KDM2B: variants seen among roughly 807,000 people sequenced by gnomAD.
KDM2B encodes the protein lysine demethylase 2B.
A neutral mutation model predicts 150.0 loss-of-function variants in KDM2B; 26 were observed. The observed-to-expected ratio is 0.17, with a 90% CI of 0.13 to 0.24. KDM2B has a LOEUF of 0.24. Ranked by LOEUF, KDM2B falls within the 10% of genes least tolerant of loss-of-function variation. The pLI, the probability that KDM2B is intolerant of heterozygous loss-of-function variation, is 1.00. For synonymous variants in KDM2B, 734 were observed against 729.5 expected (o/e 1.01, Z -0.10); for missense variants, 1,265 against 1,816.9 (o/e 0.70, Z 5.52).
At position 121,440,369 on chromosome 12, in the gene KDM2B, T is replaced by C. The variant is rs115678676; in HGVS notation, c.3611-294A>G. ...GGCTGCGCAGCATCTCCGATCCCCA[T>C]GGCTTGGCGAGAAGCACGGACCTAG... is the stretch of plus-strand genomic sequence containing the variant. On this transcript the variant is annotated intron_variant, in intron 21 of 22. Coordinates refer to ENST00000377071, the MANE Select transcript of KDM2B (RefSeq NM_032590.5). 1.3e-3 allele frequency: 606 copies of C among 464,642 alleles called. 7 individuals carry two copies. Among genetic ancestry groups the C allele is most frequent in the African/African-American group, 0.011 (560 of 50,892 alleles). 28.8% of individuals were successfully genotyped at this position (464,642 alleles called of 1,614,324 possible).
intron 1 of KDM2B, chr12:121,580,232 G>C: frequency 1.7e-6 from 2 of 1,174,366 alleles, no homozygotes. Flanking sequence ...AAAGTCCTAG[G>C]AAACCATTTT....
chr12:121,459,744 C>T (rs909931886), intron 12 of KDM2B, among the ~76,000 whole-genome samples: 2 of 151,760 alleles, frequency 1.3e-5, no homozygotes, highest in Admixed American at 6.6e-5. Flanking sequence ...GCAAGAGAAT[C>T]GCTTGAACCC....
intron 12 of KDM2B, among the ~76,000 whole-genome samples, chr12:121,489,315 G>T (rs1257833610): frequency 2.0e-5 from 3 of 151,828 alleles, no homozygotes; most frequent in Non-Finnish European, 2.9e-5. Flanking sequence ...TGTCACCCAG[G>T]CTGGGGTGCA....
At chr12:121,457,823 C>T (rs1285356047) in intron 12 of KDM2B, among the ~76,000 whole-genome samples, 4 of 151,882 alleles carry the variant, frequency 2.6e-5, no homozygotes, top group African/African-American at 9.7e-5. Context: ...AACTCAAGAG[C>T]ATTGTCCTTT....
At chr12:121,532,270 T>C (rs905610208) in intron 8 of KDM2B, among the ~76,000 whole-genome samples, 8 of 152,150 alleles carry the variant, frequency 5.3e-5, no homozygotes, top group Non-Finnish European at 8.8e-5. Context: ...CAGCCACATC[T>C]ACTAGTGACT....
the KDM2B span, among the ~76,000 whole-genome samples, chr12:121,410,916 T>G: frequency 8.5e-5 from 13 of 152,288 alleles, no homozygotes; most frequent in Non-Finnish European, 2.9e-5. Flanking sequence ...CTGGGACACT[T>G]TGGAGGTTGG....
chr12:121,495,314 C>T (rs1883809969), intron 11 of KDM2B, among the ~76,000 whole-genome samples: 1 of 152,146 alleles, frequency 6.6e-6, no homozygotes, highest in African/African-American at 2.4e-5. Context: ...GTGTGCACCA[C>T]CACGCTGGGC....
At chr12:121,496,521 G>T (rs1883957098) in intron 11 of KDM2B, among the ~76,000 whole-genome samples, 1 of 131,598 alleles carries the variant, frequency 7.6e-6, no homozygotes, top group African/African-American at 3.0e-5. Context: ...TTTTGAGACA[G>T]GGTGTGACTG....
chr12:121,423,511 C>T, the KDM2B span: 13 of 1,614,066 alleles, frequency 8.1e-6, no homozygotes, highest in South Asian at 1.1e-5. This position sits in a 1 kb window ranked among gnomAD's most constrained non-coding sequence, Gnocchi z 4.3. Context: ...GTGCGGCAAG[C>T]GCATGAGTGA....
intron 4 of KDM2B, among the ~76,000 whole-genome samples, chr12:121,570,882 C>T (rs1425160189): frequency 6.6e-6 from 1 of 152,188 alleles, no homozygotes; most frequent in Non-Finnish European, 1.5e-5. Flanking sequence ...TTTTTAGCAA[C>T]ATTATTCATA....
At chr12:121,535,077 C>T (rs781978024) in intron 6 of KDM2B, among the ~76,000 whole-genome samples, 6 of 152,096 alleles carry the variant, frequency 3.9e-5, no homozygotes, top group Admixed American at 6.6e-5. Context: ...CATTCATCTC[C>T]TCATTCATTC....
chr12:121,445,317 C>T lies in KDM2B; in HGVS notation c.2061G>A (p.Glu687=). ...EEGKFNLMLM[E]CSICNEIIHP... ...GGATGATTTCATTGCAGATGGAGCA[C>T]TCCATGAGCATGAGGTTAAACTTGC... The change falls in exon 14 of 23, where the codon GAG becomes GAA. Residue 687 remains glutamate (E), a synonymous_variant. Transcript: ENST00000377071. 6.2e-7 allele frequency: 1 copy of T among 1,614,102 alleles called. No homozygotes were observed. Among genetic ancestry groups the T allele is most frequent in the Non-Finnish European group, 8.5e-7 (1 of 1,179,986 alleles).
At chr12:121,456,311 G>C (rs1878232579) in intron 12 of KDM2B, among the ~76,000 whole-genome samples, 1 of 152,236 alleles carries the variant, frequency 6.6e-6, no homozygotes, top group South Asian at 2.1e-4. Flanking sequence ...AAGAGGTGCA[G>C]AGAAGCACGG....
intron 4 of KDM2B, among the ~76,000 whole-genome samples, chr12:121,553,256 C>T (rs1260970389): frequency 6.6e-6 from 1 of 151,686 alleles, no homozygotes; most frequent in Non-Finnish European, 1.5e-5. Context: ...AGAAAGAACC[C>T]CGGTACCCTC....
At chr12:121,525,157 A>G (rs1293031839) in intron 8 of KDM2B, among the ~76,000 whole-genome samples, 1 of 152,194 alleles carries the variant, frequency 6.6e-6, no homozygotes, top group Non-Finnish European at 1.5e-5. Context: ...GGCTGCTGAC[A>G]TGAAGTAAGG....
chr12:121,567,208 C>T (rs1486271404), intron 4 of KDM2B, among the ~76,000 whole-genome samples: 1 of 152,068 alleles, frequency 6.6e-6, no homozygotes, highest in Admixed American at 6.6e-5. Flanking sequence ...ATATATCTGA[C>T]AAAAGACTCA....
chr12:121,455,495 G>A (rs1555292549), intron 12 of KDM2B, among the ~76,000 whole-genome samples: 1 of 152,218 alleles, frequency 6.6e-6, no homozygotes, highest in Non-Finnish European at 1.5e-5. Flanking sequence ...AGGATCACTT[G>A]AGGTCAGGAG....
At chr12:121,425,726 T>G (rs887942559), downstream of KDM2B, among the ~76,000 whole-genome samples, 2 of 152,096 alleles carry the variant, frequency 1.3e-5, no homozygotes, top group Non-Finnish European at 2.9e-5. Context: ...AGAAGCAGCA[T>G]AAGTTGCCAG....
At chr12:121,492,019 G>A (rs1372579730) in intron 12 of KDM2B, among the ~76,000 whole-genome samples, 2 of 151,980 alleles carry the variant, frequency 1.3e-5, no homozygotes, top group South Asian at 2.1e-4. Context: ...CTAGCCAGGC[G>A]TGATGGCATG....
Sources: allele counts gnomAD v4.1 joint callset (sites outside exome capture counted in the v4.1 genomes callset), GRCh38; gene constraint gnomAD v4.1.1; non-coding constraint Gnocchi (gnomAD v3.1); transcripts MANE v1.5; gene names NCBI Gene and HGNC (gene_info 2026-07-23, HGNC 2026-07-21).